ZNF83: variants seen among roughly 807,000 people sequenced by gnomAD.
ZNF83 encodes zinc finger protein 816B.
For synonymous variants in ZNF83, 209 were observed against 213.0 expected (o/e 0.98, Z 0.17); for missense variants, 552 against 629.9 (o/e 0.88, Z 1.32).
chr19:52,628,084 ATCT>A (rs1209551269), intron 2 of ZNF83, among the ~76,000 whole-genome samples: 1 of 151,704 alleles, frequency 6.6e-6, no homozygotes, highest in Non-Finnish European at 1.5e-5. Context: ...ACCCCTATCT[ATCT>A]CCCTTTACTC....
intron 1 of ZNF83, among the ~76,000 whole-genome samples, chr19:52,662,186 C>A (rs1053946051): frequency 8.5e-5 from 13 of 152,200 alleles, no homozygotes; most frequent in African/African-American, 2.9e-4. Context: ...TAAATTACAA[C>A]ATTTACAAAT....
At chr19:52,681,024 C>T (rs112759990) in intron 1 of ZNF83, among the ~76,000 whole-genome samples, 2,087 of 151,754 alleles carry the variant, frequency 0.014, 33 homozygotes, top group African/African-American at 0.043. Flanking sequence ...GTGGCTCATG[C>T]CTGTAATCAA....
intron 2 of ZNF83, among the ~76,000 whole-genome samples, chr19:52,631,669 T>G (rs1423164916): frequency 6.6e-6 from 1 of 152,214 alleles, no homozygotes; most frequent in African/African-American, 2.4e-5. Context: ...CCCTCATGAC[T>G]GTATCTCTCT....
intron 2 of ZNF83, among the ~76,000 whole-genome samples, chr19:52,628,917 C>T (rs1478781961): frequency 6.6e-6 from 1 of 151,796 alleles, no homozygotes; most frequent in East Asian, 1.9e-4. Flanking sequence ...CATGCCCTGA[C>T]CTCATATCTC....
exon 2 of ZNF83, chr19:52,635,096 T>C (rs2061103369): frequency 1.4e-6 from 1 of 709,362 alleles, no homozygotes; most frequent in Non-Finnish European, 2.6e-6. Flanking sequence ...ACGCCTTTGC[T>C]TTCCTCTTCC....
chr19:52,651,984 T>G (rs1435611284), intron 3 of ZNF83: 1 of 192,312 alleles, frequency 5.2e-6, no homozygotes, highest in Non-Finnish European at 1.1e-5. Context: ...GTTTGTCATT[T>G]TCTATAGTCA....
exon 3 of ZNF83, chr19:52,613,968 A>G (rs183755365): frequency 3.1e-6 from 5 of 1,613,484 alleles, no homozygotes; most frequent in East Asian, 4.5e-5. Flanking sequence ...TCTCTCCGGT[A>G]TGAATTCTTT....
chr19:52,619,990 A>T lies in ZNF83; in HGVS notation c.-233-5193T>A, dbSNP rs540841815. 1.1e-3 allele frequency among the ~76,000 whole-genome samples: 174 copies of T among 152,324 alleles called. 1 individual carries two copies. The highest frequency in any genetic ancestry group is 3.8e-3 in the African/African-American group (159 of 41,584). ...TCTTTACCATGAGGGTACAGGTTGC[A>T]GTGAGCTATGATTGCACCACTGAGC... On this transcript the variant is annotated intron_variant, in intron 2 of 2. Coordinates refer to ENST00000301096, the Ensembl canonical transcript of ZNF83.
intron 2 of ZNF83, among the ~76,000 whole-genome samples, chr19:52,660,454 A>AGGCCGGGCGCGGTGGCTCACGC: frequency 6.6e-6 from 1 of 151,732 alleles, no homozygotes; most frequent in African/African-American, 2.4e-5. Flanking sequence ...TCCTGTCTCT[A>AGGCCGGGCGCGGTGGCTCACGC]TTAAAAATAC....
chr19:52,662,952 C>T (rs1053984248), intron 1 of ZNF83, among the ~76,000 whole-genome samples: 1 of 151,968 alleles, frequency 6.6e-6, no homozygotes, highest in Non-Finnish European at 1.5e-5. Context: ...CACATGAGCC[C>T]AGGAGTTTGA....
intron 2 of ZNF83, among the ~76,000 whole-genome samples, chr19:52,634,596 C>T (rs926126965): frequency 6.6e-6 from 1 of 152,176 alleles, no homozygotes; most frequent in African/African-American, 2.4e-5. Context: ...AAGTAACTCA[C>T]TAAATTACCT....
At chr19:52,653,613 C>A (rs950360098) in intron 3 of ZNF83, among the ~76,000 whole-genome samples, 3 of 152,032 alleles carry the variant, frequency 2.0e-5, no homozygotes, top group Non-Finnish European at 4.4e-5. Context: ...CAAGGGATGA[C>A]GTCTGACTGA....
intron 2 of ZNF83, among the ~76,000 whole-genome samples, chr19:52,627,724 C>T (rs1371397141): frequency 3.3e-5 from 5 of 152,074 alleles, no homozygotes; most frequent in Non-Finnish European, 7.4e-5. Flanking sequence ...CAACAAACCC[C>T]GATGACACGA....
intron 2 of ZNF83, among the ~76,000 whole-genome samples, chr19:52,656,910 CTCCTGGACA>C (rs2061513201): frequency 1.3e-5 from 2 of 151,362 alleles, no homozygotes; most frequent in East Asian, 3.9e-4. Context: ...CATTAATGCT[CTCCTGGACA>C]CATTGCAAAT....
upstream of ZNF83, among the ~76,000 whole-genome samples, chr19:52,638,992 CTT>C (rs1286086262): frequency 6.6e-6 from 1 of 152,184 alleles, no homozygotes; most frequent in Non-Finnish European, 1.5e-5. Flanking sequence ...TCTCTCTTTT[CTT>C]TTTTATAATA....
intron 2 of ZNF83, among the ~76,000 whole-genome samples, chr19:52,659,612 T>TGAAAAAAA (rs2061551903): frequency 1.9e-5 from 1 of 52,920 alleles, no homozygotes. Context: ...AGACTCCAAC[T>TGAAAAAAA]CAAAAAAAAA....
chr19:52,623,953 A>G (rs1373488510), intron 2 of ZNF83, among the ~76,000 whole-genome samples: 1 of 152,040 alleles, frequency 6.6e-6, no homozygotes, highest in Admixed American at 6.5e-5. Context: ...ACTGCCCTCC[A>G]CAACTCACTA....
intron 1 of ZNF83, among the ~76,000 whole-genome samples, chr19:52,637,726 C>T (rs1046881196): frequency 6.6e-6 from 1 of 152,172 alleles, no homozygotes; most frequent in Non-Finnish European, 1.5e-5. Context: ...TTTCCGGGGG[C>T]TGGAGCTGGG....
At chr19:52,679,565 T>C (rs189425167) in intron 1 of ZNF83, among the ~76,000 whole-genome samples, 1 of 152,178 alleles carries the variant, frequency 6.6e-6, no homozygotes, top group African/African-American at 2.4e-5. Flanking sequence ...GAGCACAGAT[T>C]GCACCACTGC....
Sources: gnomAD v4.1 joint callset for allele counts (sites outside exome capture counted in the v4.1 genomes callset) on GRCh38, gnomAD v4.1.1 for gene constraint, MANE v1.5 for transcripts, NCBI Gene and HGNC (gene_info 2026-07-23, HGNC 2026-07-21) for gene names.